The following ADAM10 variants were observed in gnomAD, a reference collection of about 807,000 sequenced individuals.
ADAM10 encodes ADAM metallopeptidase domain 10.
Under a neutral mutation model 90.1 loss-of-function variants are expected in ADAM10, and 17 were observed. The observed-to-expected ratio is 0.19, with a 90% CI of 0.13 to 0.28. The LOEUF (loss-of-function observed/expected upper bound fraction) is 0.28. Among genes scored for constraint, ADAM10 ranks in the 10% least tolerant of loss-of-function variants. ADAM10 has a pLI of 1.00. For synonymous variants in ADAM10, 310 were observed against 298.6 expected (o/e 1.04, Z -0.40); for missense variants, 610 against 914.3 (o/e 0.67, Z 4.29).
In ADAM10 at chr15:58,593,245, T is replaced by G. The variant is rs1894869202; in HGVS notation, c.*4302A>C. ...CCCAGGCTGGAGTGCAATGGCGCAA[T>G]CGCGGCTCACTGCAGCCTCTGCCTC... On this transcript the variant is annotated 3_prime_UTR_variant, in exon 16 of 16. Transcript: ENST00000260408. 1 of 134,680 alleles carries G rather than the reference T, an allele frequency of 7.4e-6. No individual in the cohort carries two copies. The highest frequency in any genetic ancestry group is 1.5e-5 in the Non-Finnish European group (1 of 64,772). The allele number at this position is 134,680 out of a possible 1,614,324, so 8.3% of individuals were successfully genotyped here. A position where few individuals can be genotyped will look rare whatever the true frequency, so the allele number is the denominator to read the frequency against.
chr15:58,708,520 G>C (rs966682665), intron 2 of ADAM10, among the ~76,000 whole-genome samples: 1 of 151,880 alleles, frequency 6.6e-6, no homozygotes. Context: ...AAAATTAGCC[G>C]AGCATAATGG....
intron 14 of ADAM10, among the ~76,000 whole-genome samples, chr15:58,604,764 A>C (rs1164756238): frequency 6.6e-6 from 1 of 151,978 alleles, no homozygotes; most frequent in Non-Finnish European, 1.5e-5. Context: ...TTTCTCTTTT[A>C]AGAGACAGGA....
chr15:58,659,841 G>A (rs940493858), intron 5 of ADAM10, among the ~76,000 whole-genome samples: 12 of 152,132 alleles, frequency 7.9e-5, no homozygotes, highest in South Asian at 4.1e-4. Context: ...CCATTCTCCC[G>A]CCTCAGCCTC....
intron 2 of ADAM10, among the ~76,000 whole-genome samples, chr15:58,707,701 GA>G: frequency 6.6e-6 from 1 of 152,122 alleles, no homozygotes; most frequent in Non-Finnish European, 1.5e-5. Flanking sequence ...TTTATCTACT[GA>G]AAAGAAAAAA....
intron 1 of ADAM10, among the ~76,000 whole-genome samples, chr15:58,724,007 G>A (rs948713410): frequency 7.9e-5 from 12 of 151,996 alleles, no homozygotes; most frequent in African/African-American, 2.9e-4. Context: ...GAGGCAGGTG[G>A]ATCACCCAAG....
At chr15:58,650,794 T>G (rs922547672) in intron 5 of ADAM10, among the ~76,000 whole-genome samples, 1 of 152,184 alleles carries the variant, frequency 6.6e-6, no homozygotes, top group Non-Finnish European at 1.5e-5. Context: ...TTTAAAATAT[T>G]TTTATTTTCA....
chr15:58,650,733 T>C (rs1896664209), intron 5 of ADAM10, among the ~76,000 whole-genome samples: 1 of 152,168 alleles, frequency 6.6e-6, no homozygotes, highest in East Asian at 1.9e-4. Context: ...TTCAAATAAA[T>C]ACACACAAAT....
chr15:58,744,933 A>T (rs1310571092), intron 1 of ADAM10, among the ~76,000 whole-genome samples: 1 of 152,244 alleles, frequency 6.6e-6, no homozygotes, highest in Non-Finnish European at 1.5e-5. Context: ...ATGTAATCCC[A>T]GCACTTTGGG....
chr15:58,647,222 T>C (rs1410966861), intron 5 of ADAM10, among the ~76,000 whole-genome samples: 2 of 146,120 alleles, frequency 1.4e-5, no homozygotes, highest in African/African-American at 5.0e-5. Context: ...TAACACAGGC[T>C]TGGCAGCAAA....
chr15:58,599,469 C>T, intron 15 of ADAM10, 129 bp downstream of exon 15: 2 of 1,139,434 alleles, frequency 1.8e-6, no homozygotes, highest in Non-Finnish European at 2.6e-6. Context: ...CTAAATCATT[C>T]ATCCAATAAT....
rs1410997538 is a variant in ADAM10, at chr15:58,655,688, T to G, written c.585+9409A>C. ...TACATACATACATACATATATATAT[T>G]ATATATAGTATATATATATATAGTA... is the stretch of plus-strand genomic sequence containing the variant. On this transcript the variant is annotated intron_variant, in intron 5 of 15. Coordinates refer to ENST00000260408, the MANE Select transcript of ADAM10 (RefSeq NM_001110.4). Among the ~76,000 whole-genome samples the G allele has an allele frequency of 1.6e-4, 13 of 83,650 alleles. 1 individual carries two copies. The highest frequency in any genetic ancestry group is 6.9e-4 in the African/African-American group (9 of 12,970). 54.9% of individuals were successfully genotyped at this position (83,650 alleles called of 152,430 possible). A position where few individuals can be genotyped will look rare whatever the true frequency, so the allele number is the denominator to read the frequency against.
chr15:58,619,051 G>A (rs1404773633), intron 11 of ADAM10, among the ~76,000 whole-genome samples: 12 of 152,018 alleles, frequency 7.9e-5, no homozygotes, highest in Admixed American at 4.6e-4. Context: ...CTACAGCCCC[G>A]TTTACTGTAT....
intron 1 of ADAM10, among the ~76,000 whole-genome samples, chr15:58,744,664 G>C (rs1899727578): frequency 6.6e-6 from 1 of 152,308 alleles, no homozygotes; most frequent in African/African-American, 2.4e-5. Context: ...TAAGGAGATA[G>C]TAAATGTGTC....
chr15:58,630,000 C>G (rs184662681), intron 9 of ADAM10, among the ~76,000 whole-genome samples: 1 of 152,104 alleles, frequency 6.6e-6, no homozygotes, highest in East Asian at 1.9e-4. Flanking sequence ...TCTCGAACTC[C>G]TGGGCTCAAG....
At chr15:58,618,426 T>C (rs377281786) in intron 11 of ADAM10, among the ~76,000 whole-genome samples, 5 of 152,066 alleles carry the variant, frequency 3.3e-5, no homozygotes, top group South Asian at 2.1e-4. Context: ...AAAGAAAACA[T>C]TGGGAAAAGA....
chr15:58,719,445 T>C (rs542227192), intron 1 of ADAM10, among the ~76,000 whole-genome samples: 1 of 152,258 alleles, frequency 6.6e-6, no homozygotes, highest in Middle Eastern at 3.4e-3. Context: ...AAGTGATTCT[T>C]TGACAAATCA....
chr15:58,630,001 T>C (rs1896058177), intron 9 of ADAM10, among the ~76,000 whole-genome samples: 1 of 152,134 alleles, frequency 6.6e-6, no homozygotes, highest in South Asian at 2.1e-4. Flanking sequence ...CTCGAACTCC[T>C]GGGCTCAAGC....
In ADAM10 at chr15:58,717,835, A is replaced by T. The variant is rs1007590256; in HGVS notation, c.56-108T>A. 65 of 1,444,326 alleles carry T rather than the reference A, an allele frequency of 4.5e-5. No homozygotes were observed. In the East Asian group the frequency reaches 1.5e-3, roughly 34 times the overall value. The allele number at this position is 1,444,326 out of a possible 1,614,324, so 89.5% of individuals were successfully genotyped here. On this transcript the variant is annotated intron_variant, in intron 1 of 15. Transcript: ENST00000260408. ...AATATGTATGAAACAACTTCTCCCTAATCCCAGCACTATTATGAATTCTGC... is the reference window on the plus strand; with the variant it reads ...AATATGTATGAAACAACTTCTCCCTTATCCCAGCACTATTATGAATTCTGC...
intron 5 of ADAM10, among the ~76,000 whole-genome samples, chr15:58,649,830 C>A (rs1324386207): frequency 6.6e-6 from 1 of 152,146 alleles, no homozygotes; most frequent in African/African-American, 2.4e-5. Flanking sequence ...TGATATCTCT[C>A]TGTTACATTG....
Sources: gnomAD v4.1 joint callset for allele counts (sites outside exome capture counted in the v4.1 genomes callset) on GRCh38, gnomAD v4.1.1 for gene constraint, MANE v1.5 for transcripts, NCBI Gene and HGNC (gene_info 2026-07-23, HGNC 2026-07-21) for gene names.